The following PRR5 variants were observed in gnomAD, a reference collection of about 807,000 sequenced individuals.
PRR5 encodes the protein proline rich 5.
Under a neutral mutation model 30.6 loss-of-function variants are expected in PRR5, and 25 were observed. That is an observed-to-expected ratio of 0.82 (90% CI 0.60 to 1.14). PRR5 has a LOEUF of 1.14. Ranked by LOEUF, PRR5 falls within the 50% of genes most tolerant of loss-of-function variation. The pLI, the probability that PRR5 is intolerant of heterozygous loss-of-function variation, is 0.00. For missense variants in PRR5, 600 were observed against 547.1 expected (o/e 1.10, Z -0.96); for synonymous variants, 286 against 247.1 (o/e 1.16, Z -1.48).
Position 44,702,543 on chromosome 22 carries a change from GGCC to G in PRR5, c.78_80del (p.Ala27del), listed in dbSNP as rs1569080613. 1.4e-6 allele frequency: 2 copies of G among 1,449,670 alleles called. No homozygotes were observed. Among genetic ancestry groups the G allele is most frequent in the Admixed American group, 2.9e-5 (1 of 34,774 alleles). The allele number at this position is 1,449,670 out of a possible 1,614,324, so 89.8% of individuals were successfully genotyped here. A position where few individuals can be genotyped will look rare whatever the true frequency, so the allele number is the denominator to read the frequency against. ...TCAGTGACCTGGGCAAGAGAGAGCCGGCCGCCGCCGCGGACGAGCGGGGCACGC... is the reference window on the plus strand; with the variant it reads ...TCAGTGACCTGGGCAAGAGAGAGCCGGCCGCCGCGGACGAGCGGGGCACGC... On this transcript the variant is annotated inframe_deletion, in exon 1 of 8. Coordinates refer to ENST00000336985, the MANE Select transcript of PRR5 (RefSeq NM_181333.4).
At chr22:44,685,698 G>C (rs368809717) in intron 1 of PRR5, among the ~76,000 whole-genome samples, 49 of 152,346 alleles carry the variant, frequency 3.2e-4, no homozygotes, top group African/African-American at 1.1e-3. Flanking sequence ...GGCGTGGGCT[G>C]TGGTGCCTGA....
intron 1 of PRR5, among the ~76,000 whole-genome samples, chr22:44,692,873 G>A (rs1263740565): frequency 6.6e-6 from 1 of 152,156 alleles, no homozygotes; most frequent in Non-Finnish European, 1.5e-5. Context: ...CTCTCAGCAC[G>A]GGGCCAGGCA....
At chr22:44,696,411 C>T (rs985257878) in intron 1 of PRR5, among the ~76,000 whole-genome samples, 12 of 152,116 alleles carry the variant, frequency 7.9e-5, no homozygotes, top group East Asian at 1.9e-4. Context: ...CTTTGGAAAC[C>T]GATTGGTGTT....
intron 4 of PRR5, chr22:44,731,341 A>G (rs1228465571): frequency 3.2e-6 from 1 of 309,412 alleles, no homozygotes; most frequent in Non-Finnish European, 6.3e-6. Context: ...CTCACCTGTG[A>G]ACGTCTCACC....
upstream of PRR5, among the ~76,000 whole-genome samples, chr22:44,675,698 G>C (rs1008442619): frequency 6.6e-6 from 1 of 151,990 alleles, no homozygotes; most frequent in Non-Finnish European, 1.5e-5. Flanking sequence ...CGAGGAGATG[G>C]GATGTGAAGT....
intron 1 of PRR5, among the ~76,000 whole-genome samples, chr22:44,684,697 G>A (rs1240396621): frequency 6.6e-6 from 1 of 152,260 alleles, no homozygotes; most frequent in Non-Finnish European, 1.5e-5. Flanking sequence ...CCAGGGCACT[G>A]TTGTGAGGTT....
chr22:44,672,012 G>T (rs558692243), intron 1 of PRR5, among the ~76,000 whole-genome samples: 3 of 152,368 alleles, frequency 2.0e-5, no homozygotes, highest in Admixed American at 2.0e-4. Flanking sequence ...TTGTAGTGCT[G>T]TGGTCTTGTA....
At chr22:44,708,809 A>G (rs1255667367) in intron 1 of PRR5, among the ~76,000 whole-genome samples, 1 of 151,940 alleles carries the variant, frequency 6.6e-6, no homozygotes, top group Non-Finnish European at 1.5e-5. Flanking sequence ...TCTACTAAAA[A>G]TACAAAAATT....
chr22:44,673,598 ACTTCT>A (rs1170400714), upstream of PRR5, among the ~76,000 whole-genome samples: 1 of 151,894 alleles, frequency 6.6e-6, no homozygotes, highest in African/African-American at 2.4e-5. Context: ...CGTTGTGGCC[ACTTCT>A]TGGTGGATAG....
upstream of PRR5, among the ~76,000 whole-genome samples, chr22:44,676,390 C>CAAAAAAAAAAAAAAAAAA (rs59016907): frequency 1.3e-4 from 5 of 37,046 alleles, no homozygotes; most frequent in Non-Finnish European, 1.8e-4. Flanking sequence ...GACCCTGTCT[C>CAAAAAAAAAAAAAAAAAA]AAAAAAAAAA....
chr22:44,714,739 G>A, intron 2 of PRR5, 68 bp downstream of exon 2: 5 of 1,579,290 alleles, frequency 3.2e-6, no homozygotes, highest in Non-Finnish European at 4.3e-6. Context: ...AGAGTCGAAG[G>A]CCCCAGCCAG....
chr22:44,695,327 A>T (rs1021683880), intron 1 of PRR5, among the ~76,000 whole-genome samples: 3 of 152,204 alleles, frequency 2.0e-5, no homozygotes, highest in Non-Finnish European at 1.5e-5. Context: ...AGGAAAAAGG[A>T]GGAGGATTAC....
At chr22:44,722,768 G>A (rs531741466) in intron 2 of PRR5, among the ~76,000 whole-genome samples, 8 of 152,178 alleles carry the variant, frequency 5.3e-5, no homozygotes, top group Non-Finnish European at 1.0e-4. Flanking sequence ...GTCACCCTCT[G>A]ACTCCTGGTG....
Position 44,736,994 on chromosome 22 carries a change from G to A in PRR5, c.914G>A (p.Gly305Glu). ...FSDPPGQGPT[G>E]TFRSSPAPHS... The stretch of plus-strand genomic sequence containing the variant: ...GACCCGCCCGGCCAGGGCCCCACCG[G>A]GACCTTCAGGTCCTCCCCGGCGCCC... The change falls in exon 8 of 8, where the codon GGG (glycine) becomes GAG (glutamate). Residue 305 changes from glycine to glutamate, a missense_variant. Transcript: ENST00000336985. 1.9e-6 allele frequency: 3 copies of A among 1,600,142 alleles called. No homozygotes were observed. Among genetic ancestry groups the A allele is most frequent in the South Asian group, 2.2e-5 (2 of 90,690 alleles).
At position 44,735,038 on chromosome 22, in the gene PRR5, G is replaced by T. The variant is rs1249568949; in HGVS notation, c.567G>T (p.Glu189Asp). The change falls in exon 7 of 8, where the codon GAG becomes GAT. Residue 189 changes from glutamate (E) to aspartate (D), a missense_variant. Glu to Asp is a conservative substitution (Grantham distance 45). Coordinates refer to ENST00000336985, the MANE Select transcript of PRR5 (RefSeq NM_181333.4). ...CCACTCTCCTGCAGGGGGTACATGA[G>T]TCCAGGGGCGTGACTGAGGACTACC... The part of the protein sequence containing the change: ...QMLLVLQGVH[E>D]SRGVTEDYLR... 1 of 1,612,664 alleles carries T rather than the reference G, an allele frequency of 6.2e-7. No homozygotes were observed. The highest frequency in any genetic ancestry group is 1.3e-5 in the African/African-American group (1 of 74,924).
chr22:44,735,280 C>G, intron 7 of PRR5, 118 bp downstream of exon 7: 1 of 1,349,016 alleles, frequency 7.4e-7, no homozygotes, highest in Non-Finnish European at 9.9e-7. Context: ...CAGACTGGTT[C>G]TCAGCCGGGC....
In PRR5 at chr22:44,717,214, G is replaced by A. The variant is rs1163851682; in HGVS notation, c.215+2543G>A. ...CTTTTTTTTTTTTTTTTTTTGAGACGTAGTTTCACTGTTGTTGCCCAGGCT... is the reference window on the plus strand; with the variant it reads ...CTTTTTTTTTTTTTTTTTTTGAGACATAGTTTCACTGTTGTTGCCCAGGCT... On this transcript the variant is annotated intron_variant, in intron 2 of 7. Transcript: ENST00000336985. Among the ~76,000 whole-genome samples the A allele has an allele frequency of 3.7e-5, 4 of 107,326 alleles. No individual in the cohort carries two copies. In the South Asian group the frequency reaches 1.2e-3, roughly 33 times the overall value. The allele number at this position is 107,326 out of a possible 152,430, so 70.4% of individuals were successfully genotyped here. A position where few individuals can be genotyped will look rare whatever the true frequency, so the allele number is the denominator to read the frequency against.
At position 44,731,815 on chromosome 22, in the gene PRR5, G is replaced by A. The variant is rs34136814; in HGVS notation, c.408G>A (p.Pro136=). Residue 136 remains proline (P), a synonymous_variant, in exon 5 of 8, where the codon CCG becomes CCA. Coordinates refer to ENST00000336985, the MANE Select transcript of PRR5 (RefSeq NM_181333.4). ...VLPMLQAIFY[P]VQGKEPSVRQ... ...CCATGCTGCAGGCCATCTTCTACCCGGTGCAGGTGGGCAGCCCAGCCCTGG... is the reference window on the plus strand; with the variant it reads ...CCATGCTGCAGGCCATCTTCTACCCAGTGCAGGTGGGCAGCCCAGCCCTGG... 9.2e-5 allele frequency: 149 copies of A among 1,612,834 alleles called. No homozygotes were observed. Among genetic ancestry groups the A allele is most frequent in the African/African-American group, 9.1e-4 (68 of 75,060 alleles).
intron 4 of PRR5, chr22:44,731,091 C>T (rs377583789): frequency 7.6e-5 from 22 of 291,154 alleles, no homozygotes; most frequent in African/African-American, 2.9e-4. Flanking sequence ...ACTGCTTAGC[C>T]GGGTTGTTAG....
Sources: allele counts gnomAD v4.1 joint callset (sites outside exome capture counted in the v4.1 genomes callset), GRCh38; gene constraint gnomAD v4.1.1; transcripts MANE v1.5; gene names NCBI Gene and HGNC (gene_info 2026-07-23, HGNC 2026-07-21).